The following PKD1L1 variants were observed in gnomAD, a reference collection of about 807,000 sequenced individuals.
PKD1L1 encodes the protein polycystin 1 like 1, transient receptor potential channel interacting, also known as polycystin-1-like protein 1.
PKD1L1 carries 236 observed loss-of-function variants against 323.4 expected under a neutral mutation model. That is an observed-to-expected ratio of 0.73 (90% CI 0.66 to 0.81). The LOEUF (loss-of-function observed/expected upper bound fraction) is 0.81. Among genes scored for constraint, PKD1L1 ranks in the 40% least tolerant of loss-of-function variants. The probability of loss-of-function intolerance (pLI) is 0.00; values close to 1 mark genes in which losing one functional copy is unlikely to be tolerated. For missense variants in PKD1L1, 3,320 were observed against 3,508.0 expected (o/e 0.95, Z 1.35); for synonymous variants, 1,344 against 1,335.0 (o/e 1.01, Z -0.15).
At chr7:47,934,727 G>A (rs1787833998) in intron 4 of PKD1L1, among the ~76,000 whole-genome samples, 1 of 152,118 alleles carries the variant, frequency 6.6e-6, no homozygotes, top group South Asian at 2.1e-4. Context: ...AATCACAAAA[G>A]TAAAGGGCCT....
Position 47,904,596 on chromosome 7 carries a change from A to G in PKD1L1, c.1713T>C (p.Ala571=). Residue 571 remains alanine (A), a synonymous_variant, in exon 12 of 57, where the codon GCT becomes GCC. Transcript: ENST00000289672. ...AGACCACACTGCTCATCCTGTTGGAAGCCTTAACCATCACACGATACCTGC... is the reference window on the plus strand; with the variant it reads ...AGACCACACTGCTCATCCTGTTGGAGGCCTTAACCATCACACGATACCTGC... ...IPQWYRVMVK[A]SNRMSSVVSE... The G allele has an allele frequency of 6.2e-7, 1 of 1,613,340 alleles. No individual in the cohort carries two copies. Among genetic ancestry groups the G allele is most frequent in the Non-Finnish European group, 8.5e-7 (1 of 1,179,382 alleles).
intron 45 of PKD1L1, among the ~76,000 whole-genome samples, chr7:47,824,513 C>T (rs539037375): frequency 5.9e-4 from 89 of 152,080 alleles, no homozygotes; most frequent in Admixed American, 1.4e-3. Flanking sequence ...AGTTCTTTTC[C>T]GTCCTTAGAG....
intron 13 of PKD1L1, among the ~76,000 whole-genome samples, chr7:47,902,059 A>AAAAG (rs1787102814): frequency 1.7e-4 from 20 of 120,610 alleles, no homozygotes; most frequent in African/African-American, 4.5e-4. Flanking sequence ...GAAAAGAAAA[A>AAAAG]AAAGAAAAGA....
At chr7:47,943,270 C>A (rs1457379989) in intron 2 of PKD1L1, 126 bp downstream of exon 2, 1 of 720,770 alleles carries the variant, frequency 1.4e-6, no homozygotes, top group Non-Finnish European at 2.3e-6. Context: ...TAAGATCACT[C>A]TGACCTTCCT....
rs111244690 is a variant in PKD1L1, at chr7:47,790,611, G to GT, written c.8526+2015dup. 1.4e-3 allele frequency among the ~76,000 whole-genome samples: 220 copies of GT among 152,236 alleles called. 1 individual carries two copies. The highest frequency in any genetic ancestry group is 5.0e-3 in the African/African-American group (209 of 41,534). ...CTCCCAAAGTGCTGGGATTACAGGC[G>GT]TGAGTCACCGCACCGGGCCATAACT... On this transcript the variant is annotated intron_variant, in intron 56 of 56. Coordinates refer to ENST00000289672, the MANE Select transcript of PKD1L1 (RefSeq NM_138295.5).
chr7:47,870,185 A>C lies in PKD1L1; in HGVS notation c.3897-3571T>G, dbSNP rs190711280. ...TCACCTTAAGAAACAACAACAACAA[A>C]AAAAAACAAGAGCAAAGTAAACCAG... On this transcript the variant is annotated intron_variant, in intron 24 of 56. Transcript: ENST00000289672. Among the ~76,000 whole-genome samples the C allele has an allele frequency of 3.8e-3, 515 of 136,594 alleles. 5 individuals are homozygous for C. The highest frequency in any genetic ancestry group is 0.013 in the African/African-American group (474 of 35,522). The allele number at this position is 136,594 out of a possible 152,430, so 89.6% of individuals were successfully genotyped here.
In PKD1L1 at chr7:47,931,919, A is replaced by G. The variant is rs1435256993; in HGVS notation, c.519+17T>C. On this transcript the variant is annotated intron_variant, in intron 5 of 56. Coordinates refer to ENST00000289672, the MANE Select transcript of PKD1L1 (RefSeq NM_138295.5). ...CAGCTTTCTGATGAAATTCAATTGC[A>G]GGGGTTAGATACCAACCTGGAGAAG... 1.3e-6 allele frequency: 2 copies of G among 1,596,416 alleles called. No individual in the cohort carries two copies. The highest frequency in any genetic ancestry group is 1.3e-5 in the African/African-American group (1 of 74,392).
intron 2 of PKD1L1, among the ~76,000 whole-genome samples, 200 bp downstream of exon 2, chr7:47,943,196 A>ATATATG (rs1309093632): frequency 4.4e-5 from 6 of 135,006 alleles, no homozygotes; most frequent in South Asian, 2.5e-4. Context: ...ATATATATAT[A>ATATATG]TGTGTGTGTA....
intron 56 of PKD1L1, among the ~76,000 whole-genome samples, chr7:47,780,098 C>T (rs62448546): frequency 0.014 from 2,070 of 152,192 alleles, 20 homozygotes; most frequent in Non-Finnish European, 0.021. Context: ...CAGAACACTC[C>T]TATGTACCTT....
rs897350717 is a variant in PKD1L1 at position 47,888,225 on chromosome 7, G to C, written c.2676-75C>G. 7 of 1,458,420 alleles carry C rather than the reference G, an allele frequency of 4.8e-6. No homozygotes were observed. In the African/African-American group the frequency reaches 8.5e-5, roughly 18 times the overall value. The allele number at this position is 1,458,420 out of a possible 1,614,324, so 90.3% of individuals were successfully genotyped here. ...CTTTGGTCACATTAATTCATGTTAG[G>C]CATGTTTAAATCACCCTACTTTGGA... On this transcript the variant is annotated intron_variant, in intron 16 of 56. Coordinates refer to ENST00000289672, the MANE Select transcript of PKD1L1 (RefSeq NM_138295.5).
chr7:47,948,543 C>T (rs1788148209), upstream of PKD1L1: 5 of 1,113,286 alleles, frequency 4.5e-6, no homozygotes, highest in Non-Finnish European at 4.0e-6. Flanking sequence ...AGCTTCTGTA[C>T]TTGTGACCTC....
chr7:47,853,280 G>A (rs1298092057), intron 30 of PKD1L1, 53 bp from the exon 31 acceptor site: 1 of 1,272,750 alleles, frequency 7.9e-7, no homozygotes, highest in Non-Finnish European at 1.1e-6. Flanking sequence ...CTCTCTCAAA[G>A]GTTTTAGTCA....
At chr7:47,791,282 T>G (rs1167764926) in intron 56 of PKD1L1, among the ~76,000 whole-genome samples, 1 of 152,206 alleles carries the variant, frequency 6.6e-6, no homozygotes, top group African/African-American at 2.4e-5. Context: ...AATTTTAACT[T>G]TTTTTCTCTT....
intron 46 of PKD1L1, among the ~76,000 whole-genome samples, chr7:47,818,957 C>T (rs184126849): frequency 1.6e-3 from 248 of 152,236 alleles, no homozygotes; most frequent in Non-Finnish European, 7.4e-4. Flanking sequence ...ATGCTAAGTC[C>T]GAGCACTTGC....
Position 47,821,090 on chromosome 7 carries a change from C to A in PKD1L1, c.6951G>T (p.Arg2317=), listed in dbSNP as rs1204534523. The A allele has an allele frequency of 3.8e-6, 6 of 1,590,398 alleles. No homozygotes were observed. The highest frequency in any genetic ancestry group is 5.2e-6 in the Non-Finnish European group (6 of 1,158,558). ...AAACCTCCTACCTTGTAAATTCTTT[C>A]CGGATAGCTTGATTGAGGGAGTATT... ...QDEYSLNQAI[R]KEFTRNARNC... The change falls in exon 46 of 57, where the codon CGG becomes CGT. Residue 2317 remains arginine (R), a synonymous_variant. Transcript: ENST00000289672.
intron 37 of PKD1L1, 88 bp from the exon 38 acceptor site, chr7:47,835,331 TGTGAA>T: frequency 2.4e-5 from 18 of 747,050 alleles, no homozygotes; most frequent in Non-Finnish European, 3.8e-5. Context: ...ATACATGTAA[TGTGAA>T]TACATACATT....
intron 46 of PKD1L1, chr7:47,819,560 TG>T: frequency 7.3e-7 from 1 of 1,364,048 alleles, no homozygotes; most frequent in Non-Finnish European, 9.8e-7. Flanking sequence ...GCTGAAAAGT[TG>T]GTCATGGATG....
intron 30 of PKD1L1, 30 bp downstream of exon 30, chr7:47,854,852 A>G (rs199618746): frequency 2.6e-4 from 424 of 1,607,462 alleles, no homozygotes; most frequent in Non-Finnish European, 3.3e-4. Flanking sequence ...TCTTACTCCA[A>G]TCTCATTGTA....
At chr7:47,931,389 C>A in intron 5 of PKD1L1, 68 bp from the exon 6 acceptor site, 2 of 1,529,976 alleles carry the variant, frequency 1.3e-6, no homozygotes, top group Non-Finnish European at 1.8e-6. Context: ...CTGATGTCCG[C>A]CATGCTCAAA....
Sources: allele counts gnomAD v4.1 joint callset (sites outside exome capture counted in the v4.1 genomes callset), GRCh38; gene constraint gnomAD v4.1.1; transcripts MANE v1.5; gene names NCBI Gene and HGNC (gene_info 2026-07-23, HGNC 2026-07-21).